DPH6: variants seen among roughly 807,000 people sequenced by gnomAD.
DPH6 encodes the protein diphthine--ammonia ligase.
DPH6 carries 33 observed loss-of-function variants against 38.2 expected under a neutral mutation model. The ratio of observed to expected loss-of-function variants is 0.86; its 90% confidence interval spans 0.65 to 1.15. The LOEUF is 1.15. Ranked by LOEUF, DPH6 falls within the 50% of genes most tolerant of loss-of-function variation. The probability of loss-of-function intolerance (pLI) is 0.00; values close to 1 mark genes in which losing one functional copy is unlikely to be tolerated. For missense variants in DPH6, 325 were observed against 320.0 expected (o/e 1.02, Z -0.12); for synonymous variants, 108 against 103.0 (o/e 1.05, Z -0.30).
chr15:35,337,955 GT>G (rs2052387055), intron 3 of DPH6, among the ~76,000 whole-genome samples: 1 of 151,846 alleles, frequency 6.6e-6, no homozygotes, highest in African/African-American at 2.4e-5. Flanking sequence ...TTAATAAATG[GT>G]GCTGGGAAAA....
intron 3 of DPH6, among the ~76,000 whole-genome samples, chr15:35,531,913 T>C (rs917846775): frequency 6.6e-6 from 1 of 152,104 alleles, no homozygotes; most frequent in South Asian, 2.1e-4. Context: ...GGTCTCACAA[T>C]CTAGCAAAAG....
At chr15:35,490,374 AAC>A (rs1309095552) in intron 3 of DPH6, among the ~76,000 whole-genome samples, 4 of 152,222 alleles carry the variant, frequency 2.6e-5, no homozygotes, top group Non-Finnish European at 1.5e-5. Context: ...CCAAAAAATG[AAC>A]AGTTATGAAT....
chr15:35,272,919 C>A (rs1224001457), intron 3 of DPH6, among the ~76,000 whole-genome samples: 7 of 149,030 alleles, frequency 4.7e-5, no homozygotes, highest in Non-Finnish European at 1.0e-4. Flanking sequence ...AAAAAAAAAA[C>A]AAACCAAAAA....
intron 5 of DPH6, among the ~76,000 whole-genome samples, chr15:35,440,506 C>A (rs2053773213): frequency 6.6e-6 from 1 of 152,208 alleles, no homozygotes; most frequent in Non-Finnish European, 1.5e-5. Flanking sequence ...CTTAAATAGG[C>A]CTCTGAGGGA....
intron 3 of DPH6, chr15:35,521,799 C>G: frequency 1.6e-6 from 2 of 1,239,824 alleles, no homozygotes; most frequent in Non-Finnish European, 2.0e-6. Flanking sequence ...AAGCATTTTA[C>G]TTAACTACAT....
At chr15:35,219,710 T>A (rs989537578) in exon 4 of DPH6, 2 of 152,162 alleles carry the variant, frequency 1.3e-5, no homozygotes, top group African/African-American at 4.8e-5. Flanking sequence ...TCATAACAAG[T>A]ACATTGACAA....
chr15:35,374,120 G>A lies in DPH6; in HGVS notation c.663-512C>T, dbSNP rs72703151. On this transcript the variant is annotated intron_variant, in intron 7 of 8. Transcript: ENST00000256538. Reference sequence around the variant, plus strand: ...CTATTAAAATTGATTGTCTGACATAGTAATGACCACATTCAGGTAAAATGG... The same window carrying A: ...CTATTAAAATTGATTGTCTGACATAATAATGACCACATTCAGGTAAAATGG... Among the ~76,000 whole-genome samples the A allele has an allele frequency of 1.8e-3, 269 of 152,090 alleles. 1 individual carries two copies. Among genetic ancestry groups the A allele is most frequent in the East Asian group, 5.0e-3 (26 of 5,164 alleles).
intron 3 of DPH6, among the ~76,000 whole-genome samples, chr15:35,293,704 A>G (rs905959877): frequency 4.6e-5 from 7 of 152,220 alleles, no homozygotes; most frequent in Admixed American, 1.3e-4. Context: ...ATTGCTTCTG[A>G]AATGCAGGTC....
chr15:35,515,682 C>A (rs1231112931), intron 3 of DPH6, among the ~76,000 whole-genome samples: 4 of 135,384 alleles, frequency 3.0e-5, no homozygotes, highest in Non-Finnish European at 4.6e-5. Context: ...GATCGTGCCA[C>A]TACACTCTGG....
At chr15:35,503,096 TC>T (rs1358878781) in intron 3 of DPH6, among the ~76,000 whole-genome samples, 1 of 151,606 alleles carries the variant, frequency 6.6e-6, no homozygotes, top group Non-Finnish European at 1.5e-5. Context: ...TTTTGTATCC[TC>T]CCCTCTGAAA....
intron 3 of DPH6, among the ~76,000 whole-genome samples, chr15:35,485,425 G>A (rs1053565579): frequency 6.6e-6 from 1 of 152,144 alleles, no homozygotes; most frequent in African/African-American, 2.4e-5. Context: ...CCAAGATAGG[G>A]TCATTAGAAA....
intron 3 of DPH6, chr15:35,522,171 AT>A (rs1182327154): frequency 6.2e-7 from 1 of 1,613,296 alleles, no homozygotes; most frequent in East Asian, 2.2e-5. Flanking sequence ...TGCACAGTTC[AT>A]TTGGAGTCCT....
intron 3 of DPH6, among the ~76,000 whole-genome samples, chr15:35,529,955 G>A (rs1025419060): frequency 1.3e-5 from 2 of 151,196 alleles, no homozygotes; most frequent in Non-Finnish European, 2.9e-5. Flanking sequence ...TTTTTTTGAC[G>A]ATTTAATGAT....
chr15:35,303,388 A>G (rs1352353739), intron 3 of DPH6, among the ~76,000 whole-genome samples: 1 of 151,908 alleles, frequency 6.6e-6, no homozygotes, highest in Non-Finnish European at 1.5e-5. Context: ...ATTCACATTC[A>G]TTATTTAATT....
At chr15:35,345,756 A>C (rs2140884198) in intron 3 of DPH6, among the ~76,000 whole-genome samples, 1 of 152,008 alleles carries the variant, frequency 6.6e-6, no homozygotes, top group South Asian at 2.1e-4. Flanking sequence ...TAGAAACATG[A>C]CTCTAATGCA....
chr15:35,381,700 G>T, intron 7 of DPH6, 122 bp downstream of exon 7: 2 of 737,418 alleles, frequency 2.7e-6, no homozygotes, highest in Non-Finnish European at 2.3e-6. Flanking sequence ...CAAATTGAGT[G>T]TTTGTGAACT....
At chr15:35,414,177 T>C (rs891192596) in intron 5 of DPH6, among the ~76,000 whole-genome samples, 1 of 151,798 alleles carries the variant, frequency 6.6e-6, no homozygotes, top group African/African-American at 2.4e-5. Flanking sequence ...TCAATCTATT[T>C]CTAACTGAAA....
chr15:35,391,739 T>C (rs1164291064), intron 6 of DPH6, among the ~76,000 whole-genome samples: 1 of 152,202 alleles, frequency 6.6e-6, no homozygotes, highest in East Asian at 1.9e-4. Flanking sequence ...GTGCCGTCTG[T>C]CACCCTTTTC....
chr15:35,325,274 A>G (rs2052273161), intron 3 of DPH6, among the ~76,000 whole-genome samples: 1 of 152,196 alleles, frequency 6.6e-6, no homozygotes, highest in Non-Finnish European at 1.5e-5. Context: ...AAATACCAAG[A>G]TAATTCTAAT....
Sources: allele counts gnomAD v4.1 joint callset (sites outside exome capture counted in the v4.1 genomes callset), GRCh38; gene constraint gnomAD v4.1.1; transcripts MANE v1.5; gene names NCBI Gene and HGNC (gene_info 2026-07-23, HGNC 2026-07-21).